RYR3: variants seen among roughly 807,000 people sequenced by gnomAD.
The protein encoded by RYR3 is brain ryanodine receptor-calcium release channel.
In RYR3, 207 loss-of-function variants were observed where a neutral mutation model predicts 584.3. The observed-to-expected ratio is 0.35, with a 90% CI of 0.32 to 0.40. The LOEUF is 0.40. RYR3 is among the 10% of genes least tolerant of loss of function. The pLI is 1.00. For synonymous variants in RYR3, 2,416 were observed against 2,248.5 expected, an observed-to-expected ratio of 1.07 and a Z score of -2.11; for missense variants, 5,616 against 6,089.2, an observed-to-expected ratio of 0.92 and a Z score of 2.59.
At chr15:33,442,208 T>G (rs926044528) in intron 1 of RYR3, among the ~76,000 whole-genome samples, 1 of 152,234 alleles carries the variant, frequency 6.6e-6, no homozygotes, top group Non-Finnish European at 1.5e-5. Flanking sequence ...ATACATTAAT[T>G]AATGTAATAA....
intron 86 of RYR3, 69 bp downstream of exon 86, chr15:33,831,160 C>T: frequency 7.1e-7 from 1 of 1,416,396 alleles, no homozygotes; most frequent in Non-Finnish European, 9.7e-7. Flanking sequence ...TCTATATTCC[C>T]TACAGAATAC....
intron 57 of RYR3, among the ~76,000 whole-genome samples, chr15:33,751,781 T>C (rs1470931050): frequency 6.6e-6 from 1 of 152,188 alleles, no homozygotes; most frequent in Non-Finnish European, 1.5e-5. Context: ...TTGATTTTGG[T>C]GTTTTAGTCA....
chr15:33,442,612 G>A (rs1418814960), intron 1 of RYR3, among the ~76,000 whole-genome samples: 7 of 152,156 alleles, frequency 4.6e-5, no homozygotes, highest in South Asian at 2.1e-4. Context: ...GATTATAGCC[G>A]CCTGACCATA....
intron 93 of RYR3, among the ~76,000 whole-genome samples, chr15:33,846,051 G>A (rs1436862934): frequency 1.3e-5 from 2 of 152,232 alleles, no homozygotes; most frequent in African/African-American, 2.4e-5. Flanking sequence ...CAACTGGAAG[G>A]ATGGGCTCAG....
At chr15:33,648,670 G>A (rs545882797) in intron 30 of RYR3, among the ~76,000 whole-genome samples, 1 of 152,178 alleles carries the variant, frequency 6.6e-6, no homozygotes, top group African/African-American at 2.4e-5. Context: ...TTTCTCTGAG[G>A]GCAGGGACTG....
chr15:33,336,221 C>T (rs562680043), intron 1 of RYR3, among the ~76,000 whole-genome samples: 7 of 151,236 alleles, frequency 4.6e-5, no homozygotes, highest in African/African-American at 1.7e-4. Context: ...CACTTGAGGT[C>T]AGGAGTTTGA....
intron 1 of RYR3, among the ~76,000 whole-genome samples, chr15:33,365,124 T>G (rs1975307827): frequency 6.6e-6 from 1 of 152,164 alleles, no homozygotes; most frequent in South Asian, 2.1e-4. Context: ...TGAAAAATAA[T>G]GGCCACACTA....
intron 1 of RYR3, among the ~76,000 whole-genome samples, chr15:33,332,431 G>A (rs547503841): frequency 2.6e-5 from 4 of 152,072 alleles, no homozygotes; most frequent in South Asian, 4.2e-4. Flanking sequence ...CAATCAACAA[G>A]GATATAAAAG....
At chr15:33,460,966 A>G (rs1433573367) in intron 1 of RYR3, among the ~76,000 whole-genome samples, 1 of 38,428 alleles carries the variant, frequency 2.6e-5, no homozygotes, top group Non-Finnish European at 4.4e-5. Flanking sequence ...TTTTTTTAAG[A>G]CGGAGTCTCG....
intron 99 of RYR3, 53 bp from the exon 100 acceptor site, chr15:33,859,522 C>T (rs1419923928): frequency 1.9e-6 from 3 of 1,598,650 alleles, no homozygotes; most frequent in Non-Finnish European, 2.6e-6. Flanking sequence ...GAGCATCTTG[C>T]TAAAAACAGA....
intron 43 of RYR3, among the ~76,000 whole-genome samples, chr15:33,710,334 A>C (rs1435497918): frequency 3.3e-5 from 4 of 120,572 alleles, no homozygotes; most frequent in African/African-American, 1.3e-4. Flanking sequence ...TGGAGGTGCC[A>C]TACACTTTTT....
At position 33,857,989 on chromosome 15, in the gene RYR3, G is replaced by A. The variant is rs2079880260; in HGVS notation, c.14142+75G>A. Reference sequence around the variant, plus strand: ...CGCCCCACCACCTCACTGGGAAGAAGGGCTGTGTGGGGGTGCTCTTGAGAA... The same window carrying A: ...CGCCCCACCACCTCACTGGGAAGAAAGGCTGTGTGGGGGTGCTCTTGAGAA... On this transcript the variant is annotated intron_variant, in intron 99 of 103. Coordinates refer to ENST00000634891, the MANE Select transcript of RYR3 (RefSeq NM_001036.6). The A allele has an allele frequency of 1.6e-5, 26 of 1,580,312 alleles. 2 individuals carry two copies. The South Asian group carries it at 2.5e-4, about 15-fold the overall frequency.
intron 66 of RYR3, 122 bp downstream of exon 66, chr15:33,786,104 C>A: frequency 2.6e-6 from 2 of 783,610 alleles, no homozygotes; most frequent in East Asian, 2.7e-5. Flanking sequence ...TAAACCTCCC[C>A]ATGCCCACCC....
chr15:33,474,746 C>CTAT (rs2049230790), intron 2 of RYR3, among the ~76,000 whole-genome samples: 1 of 152,106 alleles, frequency 6.6e-6, no homozygotes, highest in African/African-American at 2.4e-5. Flanking sequence ...AAAGACCCAC[C>CTAT]TATTGGCATG....
intron 25 of RYR3, among the ~76,000 whole-genome samples, chr15:33,635,059 G>A (rs1274731030): frequency 2.0e-5 from 3 of 152,138 alleles, no homozygotes; most frequent in Non-Finnish European, 4.4e-5. Flanking sequence ...TGCCAAATGT[G>A]TGAATATCAG....
chr15:33,448,799 CCTTT>C (rs2046877974), intron 1 of RYR3, among the ~76,000 whole-genome samples: 1 of 151,868 alleles, frequency 6.6e-6, no homozygotes. Flanking sequence ...GGTGGCAGGA[CCTTT>C]CTTGTGCAGT....
chr15:33,554,612 A>G (rs1296757669), intron 10 of RYR3, among the ~76,000 whole-genome samples: 1 of 152,192 alleles, frequency 6.6e-6, no homozygotes, highest in Non-Finnish European at 1.5e-5. Flanking sequence ...CATTATCTTT[A>G]CAGAAACATC....
At chr15:33,619,701 C>G (rs1400824117) in intron 19 of RYR3, among the ~76,000 whole-genome samples, 1 of 152,124 alleles carries the variant, frequency 6.6e-6, no homozygotes, top group African/African-American at 2.4e-5. Flanking sequence ...GAGCCCTTCC[C>G]CAGCTTGGGC....
Position 33,625,689 on chromosome 15 carries a change from G to A in RYR3, c.2574+1666G>A, listed in dbSNP as rs562434266. On this transcript the variant is annotated intron_variant, in intron 20 of 103. Transcript: ENST00000634891. ...ACCATCTTAATAGGGAAAGGAGAAG[G>A]GGAGAAGGGCACTTCTGGGAAAATA... is the stretch of plus-strand genomic sequence containing the variant. Among the ~76,000 whole-genome samples, 7 of 152,284 alleles carry A rather than the reference G, an allele frequency of 4.6e-5. No individual in the cohort carries two copies. The South Asian group carries it at 1.5e-3, about 32-fold the overall frequency.
Sources: gnomAD v4.1 joint callset for allele counts (sites outside exome capture counted in the v4.1 genomes callset) on GRCh38, gnomAD v4.1.1 for gene constraint, MANE v1.5 for transcripts, NCBI Gene and HGNC (gene_info 2026-07-23, HGNC 2026-07-21) for gene names.